PTPRT: variants seen among roughly 807,000 people sequenced by gnomAD.
PTPRT encodes receptor-type tyrosine-protein phosphatase T.
A neutral mutation model predicts 176.8 loss-of-function variants in PTPRT; 56 were observed. The observed-to-expected ratio is 0.32, with a 90% CI of 0.26 to 0.40. The LOEUF (loss-of-function observed/expected upper bound fraction) is 0.40. Ranked by LOEUF, PTPRT falls within the 10% of genes least tolerant of loss-of-function variation. PTPRT has a pLI of 1.00. For missense variants in PTPRT, 1,540 were observed against 1,908.2 expected (o/e 0.81, Z 3.60); for synonymous variants, 783 against 739.0 (o/e 1.06, Z -0.96).
chr20:43,128,431 G>A (rs1156554412), intron 1 of PTPRT, among the ~76,000 whole-genome samples: 6 of 152,144 alleles, frequency 3.9e-5, no homozygotes, highest in South Asian at 2.1e-4. Flanking sequence ...AAGTCCCTAC[G>A]ACAAATAAGC....
intron 1 of PTPRT, among the ~76,000 whole-genome samples, chr20:42,895,236 G>A (rs1273143478): frequency 6.6e-6 from 1 of 151,932 alleles, no homozygotes; most frequent in Non-Finnish European, 1.5e-5. Flanking sequence ...GACCAAAGTT[G>A]GGCAGGGTCA....
the PTPRT span, among the ~76,000 whole-genome samples, chr20:42,042,790 G>A: frequency 7.9e-5 from 12 of 152,316 alleles, no homozygotes; most frequent in South Asian, 2.5e-3. Context: ...TCCAACTTGC[G>A]AAAGCTCATG....
chr20:42,690,206 T>C (rs564439257), intron 6 of PTPRT, among the ~76,000 whole-genome samples: 31 of 150,694 alleles, frequency 2.1e-4, no homozygotes, highest in Non-Finnish European at 4.3e-4. Context: ...ATCAGAGAGG[T>C]CAAAAGTGAC....
At chr20:42,576,766 AT>A (rs1281644238) in intron 7 of PTPRT, among the ~76,000 whole-genome samples, 1 of 152,204 alleles carries the variant, frequency 6.6e-6, no homozygotes, top group African/African-American at 2.4e-5. Flanking sequence ...GCATAAGTAA[AT>A]TCTCAATCAT....
intron 6 of PTPRT, among the ~76,000 whole-genome samples, chr20:42,692,031 G>C (rs2075801233): frequency 6.6e-6 from 1 of 152,176 alleles, no homozygotes; most frequent in Non-Finnish European, 1.5e-5. Context: ...TGATTTCCAA[G>C]GGCCCATAGA....
At chr20:42,621,195 T>A (rs1014635636) in intron 7 of PTPRT, among the ~76,000 whole-genome samples, 1 of 152,142 alleles carries the variant, frequency 6.6e-6, no homozygotes, top group African/African-American at 2.4e-5. Context: ...GCAAGGTGCA[T>A]CCTTCCCCCT....
At chr20:42,168,011 T>C (rs1269873662) in intron 16 of PTPRT, among the ~76,000 whole-genome samples, 1 of 152,222 alleles carries the variant, frequency 6.6e-6, no homozygotes, top group Admixed American at 6.5e-5. Flanking sequence ...TTATATGTGT[T>C]ATATATTGTA....
chr20:42,697,573 G>A (rs1477974110), intron 6 of PTPRT, among the ~76,000 whole-genome samples: 1 of 152,204 alleles, frequency 6.6e-6, no homozygotes, highest in Non-Finnish European at 1.5e-5. Flanking sequence ...GGCAGACACT[G>A]GGTCTTCACA....
intron 1 of PTPRT, among the ~76,000 whole-genome samples, chr20:43,166,220 G>T (rs556024377): frequency 6.6e-6 from 1 of 151,902 alleles, no homozygotes. Context: ...CCAGCTACTC[G>T]GGAGGCTGAG....
intron 1 of PTPRT, among the ~76,000 whole-genome samples, chr20:43,133,483 C>T (rs1037026985): frequency 6.6e-5 from 10 of 152,268 alleles, no homozygotes; most frequent in Admixed American, 4.6e-4. Context: ...CGGTGGCTCA[C>T]GCCTGTAATC....
chr20:42,069,917 C>G (rs1351793867), downstream of PTPRT, among the ~76,000 whole-genome samples: 1 of 152,198 alleles, frequency 6.6e-6, no homozygotes, highest in African/African-American at 2.4e-5. Flanking sequence ...AGTATCATCT[C>G]CCTGTGGGTG....
At position 42,227,786 on chromosome 20, in the gene PTPRT, T is replaced by A. The variant is rs182154203; in HGVS notation, c.2342+8443A>T. Among the ~76,000 whole-genome samples the A allele has an allele frequency of 2.4e-4, 37 of 151,974 alleles. No homozygotes were observed. In the East Asian group the frequency reaches 7.2e-3, roughly 29 times the overall value. On this transcript the variant is annotated intron_variant, in intron 15 of 30. Transcript: ENST00000373187. ...CCATGCCTGGCTAATTTTTTGTATT[T>A]TTAGTAGAAACGGGGTTTCACCATG... is the stretch of plus-strand genomic sequence containing the variant.
intron 1 of PTPRT, among the ~76,000 whole-genome samples, chr20:43,129,613 CTT>C (rs869293740): frequency 0.017 from 1,453 of 87,112 alleles, 7 homozygotes; most frequent in African/African-American, 0.063. Flanking sequence ...CCAAAGAGTT[CTT>C]TTTTTTTTTT....
chr20:43,050,122 C>T (rs1032308536), intron 1 of PTPRT, among the ~76,000 whole-genome samples: 1 of 152,156 alleles, frequency 6.6e-6, no homozygotes, highest in Admixed American at 6.5e-5. Context: ...CAGGGCACCA[C>T]ACAGGTTACC....
At chr20:42,912,180 G>A (rs1324961609) in intron 1 of PTPRT, among the ~76,000 whole-genome samples, 2 of 152,062 alleles carry the variant, frequency 1.3e-5, no homozygotes, top group East Asian at 1.9e-4. Flanking sequence ...CAATGTATAA[G>A]ACTGTTCATT....
At chr20:42,967,803 C>A (rs1336494843) in intron 1 of PTPRT, among the ~76,000 whole-genome samples, 1 of 151,828 alleles carries the variant, frequency 6.6e-6, no homozygotes, top group Non-Finnish European at 1.5e-5. Flanking sequence ...TTCAGCCTCG[C>A]CCTCTCCAAG....
At chr20:42,592,080 C>T (rs1015758139) in intron 7 of PTPRT, among the ~76,000 whole-genome samples, 10 of 149,594 alleles carry the variant, frequency 6.7e-5, no homozygotes, top group African/African-American at 2.5e-4. Flanking sequence ...CCTGGGTTCA[C>T]GCCATTCTCC....
chr20:42,218,810 G>A (rs2055824270), intron 15 of PTPRT, among the ~76,000 whole-genome samples: 1 of 152,220 alleles, frequency 6.6e-6, no homozygotes, highest in South Asian at 2.1e-4. Context: ...GCCCGGCTGT[G>A]TGGGACAAGT....
chr20:42,401,133 TAATAAATA>T (rs10608287), intron 9 of PTPRT, among the ~76,000 whole-genome samples: 12,051 of 148,352 alleles, frequency 0.081, 986 homozygotes, highest in African/African-American at 0.21. Flanking sequence ...GTCAAAACAG[TAATAAATA>T]AATAAATAAA....
Sources: gnomAD v4.1 joint callset for allele counts (sites outside exome capture counted in the v4.1 genomes callset) on GRCh38, gnomAD v4.1.1 for gene constraint, MANE v1.5 for transcripts, NCBI Gene and HGNC (gene_info 2026-07-23, HGNC 2026-07-21) for gene names.